The following KAZN variants were observed in gnomAD, a reference collection of about 807,000 sequenced individuals.
KAZN encodes kazrin.
A neutral mutation model predicts 87.4 loss-of-function variants in KAZN; 40 were observed. The ratio of observed to expected loss-of-function variants is 0.46; its 90% CI spans 0.36 to 0.60. The LOEUF is 0.60. Ranked by LOEUF, KAZN falls within the 20% of genes least tolerant of loss-of-function variation. The probability of loss-of-function intolerance (pLI) is 0.00; values close to 1 mark genes in which losing one functional copy is unlikely to be tolerated. For missense variants in KAZN, 898 were observed against 1,073.9 expected (o/e 0.84, Z 2.29); for synonymous variants, 466 against 458.3 (o/e 1.02, Z -0.22).
At chr1:14,235,607 A>G (rs142882072) in intron 2 of KAZN, among the ~76,000 whole-genome samples, 1 of 152,228 alleles carries the variant, frequency 6.6e-6, no homozygotes, top group Non-Finnish European at 1.5e-5. Flanking sequence ...ATTTTGTGGT[A>G]CGTGAATTAT....
rs147927824 is a variant in KAZN, at chr1:14,531,645, C to T, written c.250-67338C>T. Among the ~76,000 whole-genome samples, 215 of 152,206 alleles carry T rather than the reference C, an allele frequency of 1.4e-3. 2 individuals are homozygous for T. Among genetic ancestry groups the T allele is most frequent in the Middle Eastern group, 3.4e-3 (1 of 294 alleles). ...GGGTCCCAAATTGCTAAATGCAAAA[C>T]CTTGGTTAATTTACTTTATCTTCCC... On this transcript the variant is annotated intron_variant, in intron 2 of 16. Coordinates refer to the KAZN transcript ENST00000636203.
intron 1 of KAZN, among the ~76,000 whole-genome samples, chr1:14,605,276 C>T (rs1267468840): frequency 1.3e-5 from 2 of 152,062 alleles, no homozygotes; most frequent in Non-Finnish European, 2.9e-5. Context: ...TAATAATATG[C>T]ACTTACAATA....
intron 3 of KAZN, among the ~76,000 whole-genome samples, chr1:15,038,526 C>CA (rs1304859368): frequency 4.6e-5 from 7 of 152,130 alleles, no homozygotes; most frequent in Non-Finnish European, 1.0e-4. Flanking sequence ...ATGGTATTAC[C>CA]AATAGCAGAC....
chr1:14,424,621 A>AC (rs573539109), intron 2 of KAZN, among the ~76,000 whole-genome samples: 520 of 152,288 alleles, frequency 3.4e-3, no homozygotes, highest in Non-Finnish European at 6.2e-3. Flanking sequence ...CCATCGTCCT[A>AC]AAAGCTAGAA....
chr1:13,963,759 CTG>C (rs70987708), intron 1 of KAZN, among the ~76,000 whole-genome samples: 13,813 of 141,700 alleles, frequency 0.097, 636 homozygotes, highest in South Asian at 0.16. Flanking sequence ...CTGCTGTGGT[CTG>C]TGTGTGTGTG....
intron 2 of KAZN, among the ~76,000 whole-genome samples, chr1:15,007,056 C>CAAAAAAAAAAAAAAAAAAAAAAAAAAA: frequency 1.5e-5 from 1 of 67,912 alleles, no homozygotes; most frequent in Non-Finnish European, 2.8e-5. Flanking sequence ...GACTCCGTCT[C>CAAAAAAAAAAAAAAAAAAAAAAAAAAA]AAAAAAAAAA....
At chr1:14,297,575 A>T (rs896473008) in intron 2 of KAZN, among the ~76,000 whole-genome samples, 12 of 151,528 alleles carry the variant, frequency 7.9e-5, no homozygotes, top group African/African-American at 2.9e-4. Flanking sequence ...AAGATCCTTT[A>T]CATTTTCCCT....
At chr1:14,062,857 G>C (rs1182600349) in intron 1 of KAZN, among the ~76,000 whole-genome samples, 1 of 152,136 alleles carries the variant, frequency 6.6e-6, no homozygotes, top group Non-Finnish European at 1.5e-5. Flanking sequence ...CAATGACATG[G>C]TATTTGAGCT....
intron 1 of KAZN, among the ~76,000 whole-genome samples, chr1:14,714,797 G>GT (rs537512664): frequency 0.37 from 44,871 of 120,368 alleles, 9,108 homozygotes; most frequent in East Asian, 0.51. Context: ...TTTTTTTTTT[G>GT]TTTTTTTTTT....
chr1:14,561,760 CG>C (rs1674268412), intron 2 of KAZN, among the ~76,000 whole-genome samples: 1 of 151,882 alleles, frequency 6.6e-6, no homozygotes, highest in Non-Finnish European at 1.5e-5. Flanking sequence ...AAAAATTAGC[CG>C]GGCGTGGTGG....
intron 1 of KAZN, among the ~76,000 whole-genome samples, chr1:14,957,610 G>C (rs1243792333): frequency 2.0e-5 from 3 of 152,182 alleles, no homozygotes; most frequent in Non-Finnish European, 4.4e-5. Context: ...GACAGGAGCG[G>C]AGCCGTTTTA....
chr1:14,057,385 G>A lies in KAZN; in HGVS notation c.92-123050G>A, dbSNP rs112798495. ...CCTGACCTCATAATCCTCCCTCCTC[G>A]GCCTCCCAAAGTGCTGGGATTATAG... On this transcript the variant is annotated intron_variant, in intron 1 of 16. Transcript: ENST00000636203. Among the ~76,000 whole-genome samples, 1,105 of 152,138 alleles carry A rather than the reference G, an allele frequency of 7.3e-3. 11 individuals are homozygous for A. The highest frequency in any genetic ancestry group is 0.025 in the African/African-American group (1,053 of 41,526).
At chr1:14,751,781 G>A (rs368509652) in intron 1 of KAZN, among the ~76,000 whole-genome samples, 94 of 152,166 alleles carry the variant, frequency 6.2e-4, no homozygotes, top group African/African-American at 2.1e-3. Context: ...GGCATCACTA[G>A]TGATCACAGC....
intron 2 of KAZN, among the ~76,000 whole-genome samples, chr1:14,962,351 C>T (rs59918762): frequency 0.07 from 10,612 of 152,122 alleles, 1,235 homozygotes; most frequent in African/African-American, 0.24. Flanking sequence ...GGGGTCACGG[C>T]GGCAGCATTT....
At chr1:14,879,159 C>T (rs191465649) in intron 1 of KAZN, among the ~76,000 whole-genome samples, 43 of 152,280 alleles carry the variant, frequency 2.8e-4, no homozygotes, top group African/African-American at 8.7e-4. Flanking sequence ...ATACCAGCTG[C>T]GTCGGTCCCT....
At position 13,982,539 on chromosome 1, in the gene KAZN, G is replaced by A. The variant is rs147827554; in HGVS notation, c.91+88783G>A. Among the ~76,000 whole-genome samples the A allele has an allele frequency of 4.4e-3, 673 of 152,286 alleles. 8 individuals carry two copies. The highest frequency in any genetic ancestry group is 0.015 in the African/African-American group (635 of 41,546). ...ACAAAGCTTCCACAGCATGGAAAGC[G>A]ACCCGAGGTGGTTGCCACTGCTGGC... On this transcript the variant is annotated intron_variant, in intron 1 of 16. Transcript: ENST00000636203.
At chr1:14,946,149 C>G (rs1167272606) in intron 1 of KAZN, 4 of 153,424 alleles carry the variant, frequency 2.6e-5, no homozygotes, top group African/African-American at 9.6e-5. Flanking sequence ...CACTGCTCTT[C>G]ACTGTCATTG....
At chr1:14,589,234 C>A (rs1447299291) in intron 2 of KAZN, among the ~76,000 whole-genome samples, 1 of 151,958 alleles carries the variant, frequency 6.6e-6, no homozygotes, top group African/African-American at 2.4e-5. Flanking sequence ...AACACAGCTC[C>A]CTCTTGAACT....
Position 14,226,262 on chromosome 1 carries a change from T to C in KAZN, c.249+45670T>C, listed in dbSNP as rs547809126. Among the ~76,000 whole-genome samples the C allele has an allele frequency of 3.9e-5, 6 of 152,204 alleles. No homozygotes were observed. The South Asian group carries it at 1.2e-3, about 32-fold the overall frequency. On this transcript the variant is annotated intron_variant, in intron 2 of 16. Coordinates refer to the KAZN transcript ENST00000636203. ...ATGGGCAAAGGACATGAACAGACAC[T>C]TCTCAAAAGAAGACATACATGTGGC...
Sources: gnomAD v4.1 joint callset for allele counts (sites outside exome capture counted in the v4.1 genomes callset) on GRCh38, gnomAD v4.1.1 for gene constraint, MANE v1.5 for transcripts, NCBI Gene and HGNC (gene_info 2026-07-23, HGNC 2026-07-21) for gene names.